Variants in ZFHX3 observed in about 807,000 individuals in gnomAD.
ZFHX3 encodes zinc finger homeobox 3, also known as zinc finger homeobox protein 3.
Under a neutral mutation model 279.1 loss-of-function variants are expected in ZFHX3, and 42 were observed. The observed-to-expected ratio is 0.15, with a 90% CI of 0.12 to 0.19. The LOEUF is 0.19. ZFHX3 is among the 10% of genes least tolerant of loss of function. The pLI is 1.00. For synonymous variants in ZFHX3, 2,293 were observed against 1,957.8 expected, an observed-to-expected ratio of 1.17 and a Z score of -4.52; for missense variants, 4,981 against 4,754.0, an observed-to-expected ratio of 1.05 and a Z score of -1.40.
intron 2 of ZFHX3, among the ~76,000 whole-genome samples, chr16:73,668,730 A>G (rs2052871464): frequency 6.6e-6 from 1 of 152,022 alleles, no homozygotes; most frequent in Non-Finnish European, 1.5e-5. Flanking sequence ...GAAAAAAACA[A>G]CCCCATCAAA....
intron 3 of ZFHX3, among the ~76,000 whole-genome samples, chr16:73,453,647 T>A (rs760941200): frequency 6.6e-6 from 1 of 152,154 alleles, no homozygotes; most frequent in Non-Finnish European, 1.5e-5. Context: ...GAAAAGCAAG[T>A]GTATTAGTCT....
chr16:72,840,625 T>C (rs2037322827), intron 4 of ZFHX3, among the ~76,000 whole-genome samples: 1 of 152,158 alleles, frequency 6.6e-6, no homozygotes, highest in African/African-American at 2.4e-5. Flanking sequence ...AGGATACAAA[T>C]GAGGGACTTG....
chr16:73,219,757 G>C (rs912213814), intron 5 of ZFHX3, among the ~76,000 whole-genome samples: 3 of 152,188 alleles, frequency 2.0e-5, no homozygotes, highest in Admixed American at 1.3e-4. Flanking sequence ...CCAGTCAGTA[G>C]GGTCCCAGGA....
chr16:73,549,094 G>C (rs9928315), intron 2 of ZFHX3, among the ~76,000 whole-genome samples: 4,122 of 152,126 alleles, frequency 0.027, 197 homozygotes, highest in African/African-American at 0.093. Context: ...ATTTTCTTTT[G>C]ATACGCTTTT....
At chr16:73,416,453 C>G (rs2017582739) in intron 3 of ZFHX3, among the ~76,000 whole-genome samples, 1 of 152,116 alleles carries the variant, frequency 6.6e-6, no homozygotes, top group Non-Finnish European at 1.5e-5. Flanking sequence ...CAGTATTGGA[C>G]TCATTCATTA....
chr16:73,734,862 T>A (rs2053596389), intron 1 of ZFHX3, among the ~76,000 whole-genome samples: 1 of 152,232 alleles, frequency 6.6e-6, no homozygotes, highest in South Asian at 2.1e-4. Context: ...GCATGTTATC[T>A]TTAAACATCT....
chr16:72,864,965 C>T (rs9889054), intron 4 of ZFHX3, among the ~76,000 whole-genome samples: 19,384 of 152,206 alleles, frequency 0.13, 3,506 homozygotes, highest in African/African-American at 0.4. Context: ...AGTGCATTTC[C>T]AGCCAGGATA....
At chr16:73,399,604 G>A (rs939814252) in intron 3 of ZFHX3, among the ~76,000 whole-genome samples, 4 of 152,126 alleles carry the variant, frequency 2.6e-5, no homozygotes, top group Non-Finnish European at 5.9e-5. Context: ...ACATGCTACG[G>A]TGCACTGGAG....
intron 3 of ZFHX3, among the ~76,000 whole-genome samples, chr16:72,938,058 G>A (rs747370948): frequency 1.2e-4 from 19 of 152,350 alleles, no homozygotes; most frequent in Non-Finnish European, 2.6e-4. Flanking sequence ...AGAGGTTTAC[G>A]AACCAGTTGG....
At chr16:73,143,323 G>A (rs900045469) in intron 6 of ZFHX3, among the ~76,000 whole-genome samples, 3 of 151,902 alleles carry the variant, frequency 2.0e-5, no homozygotes, top group Non-Finnish European at 4.4e-5. Context: ...AACTTCTAAC[G>A]AAGCCTTCAC....
At chr16:73,341,016 A>T (rs1043788065) in intron 3 of ZFHX3, among the ~76,000 whole-genome samples, 2 of 152,176 alleles carry the variant, frequency 1.3e-5, no homozygotes, top group African/African-American at 4.8e-5. Flanking sequence ...TCACCGGCCA[A>T]AGGCTAATTT....
chr16:73,557,743 G>A (rs2020309235), intron 2 of ZFHX3, among the ~76,000 whole-genome samples: 2 of 151,974 alleles, frequency 1.3e-5, no homozygotes, highest in Non-Finnish European at 2.9e-5. Context: ...CCTGTATTTT[G>A]TGCCGACCTC....
At chr16:73,702,628 G>A (rs2053260207) in intron 1 of ZFHX3, among the ~76,000 whole-genome samples, 2 of 152,272 alleles carry the variant, frequency 1.3e-5, no homozygotes, top group Non-Finnish European at 1.5e-5. Context: ...AAAAGTCTGT[G>A]GGATTGGTGG....
intron 3 of ZFHX3, among the ~76,000 whole-genome samples, chr16:72,940,889 A>C (rs192856801): frequency 6.6e-6 from 1 of 152,368 alleles, no homozygotes; most frequent in East Asian, 1.9e-4. Context: ...AACATCTCCT[A>C]ATCATTCTTG....
intron 7 of ZFHX3, among the ~76,000 whole-genome samples, chr16:73,117,107 A>G (rs948733306): frequency 2.0e-5 from 3 of 152,236 alleles, no homozygotes; most frequent in Non-Finnish European, 2.9e-5. Context: ...TTCAAACTCT[A>G]GGTATGACAC....
intron 2 of ZFHX3, among the ~76,000 whole-genome samples, chr16:73,504,029 T>C (rs1195194242): frequency 3.3e-5 from 5 of 152,186 alleles, no homozygotes; most frequent in Admixed American, 2.0e-4. Flanking sequence ...CGCTTACTGT[T>C]TGAGTCAATG....
chr16:73,675,123 T>C (rs771875419), intron 2 of ZFHX3, among the ~76,000 whole-genome samples: 42 of 152,078 alleles, frequency 2.8e-4, no homozygotes, highest in Admixed American at 9.8e-4. Flanking sequence ...AAAGTAAGCA[T>C]TCCTTGCAAA....
chr16:73,730,343 C>T (rs532270534), intron 1 of ZFHX3, among the ~76,000 whole-genome samples: 9 of 132,262 alleles, frequency 6.8e-5, no homozygotes, highest in African/African-American at 2.4e-4. Flanking sequence ...GAATAACACC[C>T]TCCCCTCGCA....
At chr16:73,876,978 T>C (rs185820433) in intron 1 of ZFHX3, among the ~76,000 whole-genome samples, 156 of 151,248 alleles carry the variant, frequency 1.0e-3, no homozygotes, top group African/African-American at 3.5e-3. Context: ...AAATCTATGA[T>C]ACGAGTGAGA....
Sources: gnomAD v4.1 joint callset for allele counts (sites outside exome capture counted in the v4.1 genomes callset) on GRCh38, gnomAD v4.1.1 for gene constraint, MANE v1.5 for transcripts, NCBI Gene and HGNC (gene_info 2026-07-23, HGNC 2026-07-21) for gene names.